The following CPB1 variants were observed in gnomAD, a reference collection of about 807,000 sequenced individuals.
The protein encoded by CPB1 is carboxypeptidase B1.
CPB1 carries 53 observed loss-of-function variants against 51.4 expected under a neutral mutation model. The ratio of observed to expected loss-of-function variants is 1.03; its 90% CI spans 0.83 to 1.30. CPB1 has a LOEUF of 1.30. CPB1 is among the 50% of genes most tolerant of loss of function. CPB1 has a pLI of 0.00. For missense variants in CPB1, 494 were observed against 516.2 expected (o/e 0.96, Z 0.42); for synonymous variants, 189 against 186.9 (o/e 1.01, Z -0.09).
At chr3:148,846,738 T>A (rs1388605988) in intron 9 of CPB1, among the ~76,000 whole-genome samples, 1 of 290 alleles carries the variant, frequency 3.4e-3, no homozygotes, top group East Asian at 0.026. Flanking sequence ...TGGCCAAAAA[T>A]ATATATATAT....
At chr3:148,838,006 T>C (rs1015903059) in intron 3 of CPB1, among the ~76,000 whole-genome samples, 5 of 152,050 alleles carry the variant, frequency 3.3e-5, no homozygotes, top group African/African-American at 1.2e-4. Flanking sequence ...CCCAGCACCT[T>C]GGGAGGCCTA....
chr3:148,832,705 T>G (rs186049417), intron 2 of CPB1, among the ~76,000 whole-genome samples: 19 of 152,330 alleles, frequency 1.2e-4, no homozygotes, highest in Admixed American at 6.5e-4. Context: ...GGATTCTTGG[T>G]TGAACCACAA....
At chr3:148,843,828 T>C (rs1713157815) in intron 6 of CPB1, among the ~76,000 whole-genome samples, 1 of 152,094 alleles carries the variant, frequency 6.6e-6, no homozygotes, top group African/African-American at 2.4e-5. Context: ...AGTATCTACA[T>C]TATTTAACAG....
chr3:148,856,626 C>T (rs769284158), intron 9 of CPB1: 6 of 152,132 alleles, frequency 3.9e-5, no homozygotes, highest in Non-Finnish European at 4.4e-5. Flanking sequence ...CTGAGCCAGG[C>T]CTTGCTTCTC....
rs775548505 is a variant in CPB1 at position 148,840,919 on chromosome 3, A to C, written c.418A>C (p.Ile140Leu). 1.9e-6 allele frequency: 3 copies of C among 1,614,152 alleles called. No homozygotes were observed. Among genetic ancestry groups the C allele is most frequent in the Admixed American group, 3.3e-5 (2 of 60,020 alleles). ...AGTCGCCACTGAGAATCCAGCCCTC[A>C]TCTCTCGCAGTGTTATCGGAACCAC... ...QQVATENPAL[I>L]SRSVIGTTFE... Residue 140 changes from isoleucine (I) to leucine (L), a missense_variant, in exon 5 of 11, where the codon ATC becomes CTC. Ile to Leu is a conservative substitution (Grantham distance 5). Transcript: ENST00000282957.
Position 148,844,584 on chromosome 3 carries a change from C to T in CPB1, c.683C>T (p.Thr228Ile), listed in dbSNP as rs1403461169. ...ATTGATGGCTACATCTACACCTGGA[C>T]CAAGGTATATGCACCAATACTGAGA... ...LNIDGYIYTW[T>I]KSRFWRKTRS... Residue 228 changes from threonine to isoleucine, a missense_variant, in exon 7 of 11, where the codon ACC (threonine) becomes ATC (isoleucine). Physicochemically the swap from Thr to Ile is moderately conservative, Grantham distance 89. Coordinates refer to ENST00000282957, the MANE Select transcript of CPB1 (RefSeq NM_001871.3). 6.2e-7 allele frequency: 1 copy of T among 1,613,236 alleles called. No individual in the cohort carries two copies. Among genetic ancestry groups the T allele is most frequent in the Admixed American group, 1.7e-5 (1 of 59,994 alleles).
intron 2 of CPB1, among the ~76,000 whole-genome samples, chr3:148,829,173 T>G (rs1712657508): frequency 6.6e-6 from 1 of 152,240 alleles, no homozygotes; most frequent in Admixed American, 6.5e-5. Flanking sequence ...AGATTTATCT[T>G]TTTCAAGCTT....
intron 3 of CPB1, among the ~76,000 whole-genome samples, chr3:148,839,613 C>T (rs1372247537): frequency 6.6e-6 from 1 of 152,058 alleles, no homozygotes; most frequent in Non-Finnish European, 1.5e-5. Context: ...TTACACTTTC[C>T]AAAAACAGAC....
intron 2 of CPB1, among the ~76,000 whole-genome samples, chr3:148,834,088 A>G (rs973124758): frequency 6.6e-6 from 1 of 152,186 alleles, no homozygotes; most frequent in Non-Finnish European, 1.5e-5. Flanking sequence ...AAAAAGTAAA[A>G]CAGCTTCATA....
chr3:148,857,064 T>TTTTTTGTTG (rs200822799), intron 9 of CPB1: 3 of 41,504 alleles, frequency 7.2e-5, no homozygotes, highest in African/African-American at 3.1e-4. Context: ...TGCCAAGTGT[T>TTTTTTGTTG]TTTTTTTTTT....
intron 9 of CPB1, chr3:148,856,144 A>T (rs1185885451): frequency 1.3e-5 from 2 of 152,222 alleles, no homozygotes; most frequent in African/African-American, 4.8e-5. Flanking sequence ...GTCTTAGTTT[A>T]TCAGTTTAGA....
intron 9 of CPB1, among the ~76,000 whole-genome samples, chr3:148,852,446 G>A (rs1713460172): frequency 6.6e-6 from 1 of 152,096 alleles, no homozygotes; most frequent in Non-Finnish European, 1.5e-5. Flanking sequence ...AAATTATCCA[G>A]CCCAAAACGT....
At chr3:148,831,316 T>TAAG (rs1449682940) in intron 2 of CPB1, among the ~76,000 whole-genome samples, 3 of 152,222 alleles carry the variant, frequency 2.0e-5, no homozygotes, top group Admixed American at 2.0e-4. Context: ...TCATTCCTAC[T>TAAG]GTACCAGTAA....
chr3:148,847,768 T>G (rs1463865095), intron 9 of CPB1, among the ~76,000 whole-genome samples: 1 of 152,162 alleles, frequency 6.6e-6, no homozygotes, highest in African/African-American at 2.4e-5. Flanking sequence ...TCTTGGATGT[T>G]TGTTTCTACA....
intron 9 of CPB1, chr3:148,857,064 T>TTTTTTGTTTTTTTG (rs200822799): frequency 7.2e-5 from 3 of 41,508 alleles, no homozygotes; most frequent in Middle Eastern, 0.01. Flanking sequence ...TGCCAAGTGT[T>TTTTTTGTTTTTTTG]TTTTTTTTTT....
intron 3 of CPB1, among the ~76,000 whole-genome samples, chr3:148,839,441 C>G (rs974907379): frequency 1.3e-5 from 2 of 152,198 alleles, no homozygotes; most frequent in East Asian, 3.8e-4. Flanking sequence ...AAAACTAATA[C>G]ACTCACAAAG....
At chr3:148,828,136 T>C in intron 2 of CPB1, 59 bp downstream of exon 2, 1 of 1,304,748 alleles carries the variant, frequency 7.7e-7, no homozygotes. Context: ...CGCACTGTGA[T>C]TCCGACAATG....
At chr3:148,844,810 C>A (rs766470845) in intron 8 of CPB1, 43 bp downstream of exon 8, 1 of 1,534,452 alleles carries the variant, frequency 6.5e-7, no homozygotes, top group South Asian at 1.1e-5. Flanking sequence ...CATTGAAAAA[C>A]ATAAGAGGAA....
At chr3:148,832,868 G>A (rs1336159317) in intron 2 of CPB1, among the ~76,000 whole-genome samples, 4 of 152,102 alleles carry the variant, frequency 2.6e-5, no homozygotes, top group East Asian at 1.9e-4. Flanking sequence ...ATGTGCCAGC[G>A]GGACACTGTC....
Sources: allele counts gnomAD v4.1 joint callset (sites outside exome capture counted in the v4.1 genomes callset), GRCh38; gene constraint gnomAD v4.1.1; transcripts MANE v1.5; gene names NCBI Gene and HGNC (gene_info 2026-07-23, HGNC 2026-07-21).